The following GALK2 variants were observed in gnomAD, a reference collection of about 807,000 sequenced individuals.
The protein encoded by GALK2 is galactokinase 2.
GALK2 carries 36 observed loss-of-function variants against 52.4 expected under a neutral mutation model. The observed-to-expected ratio is 0.69, with a 90% CI of 0.53 to 0.91. The LOEUF (loss-of-function observed/expected upper bound fraction) is 0.91, where lower values mean the gene tolerates loss of function less well. GALK2 is among the 40% of genes least tolerant of loss of function. The pLI is 0.00. For synonymous variants in GALK2, 176 were observed against 199.1 expected (o/e 0.88, Z 0.98); for missense variants, 579 against 559.1 (o/e 1.04, Z -0.36).
At chr15:49,300,074 CT>C (rs2034975915) in intron 8 of GALK2, among the ~76,000 whole-genome samples, 1 of 151,898 alleles carries the variant, frequency 6.6e-6, no homozygotes, top group African/African-American at 2.4e-5. Flanking sequence ...TTATCTAAGT[CT>C]CTTTGTGGGT....
At chr15:49,210,928 C>G (rs945322735) in intron 2 of GALK2, among the ~76,000 whole-genome samples, 5 of 147,704 alleles carry the variant, frequency 3.4e-5, no homozygotes, top group Admixed American at 2.7e-4. Flanking sequence ...TGTATTTTTA[C>G]TAGAGACGGG....
At chr15:49,286,380 G>A (rs78050772) in intron 7 of GALK2, among the ~76,000 whole-genome samples, 22,902 of 152,016 alleles carry the variant, frequency 0.15, 2,189 homozygotes, top group Non-Finnish European at 0.21. Flanking sequence ...AGTACCTATT[G>A]TATGCTTAGC....
Position 49,159,196 on chromosome 15 carries a change from C to T in GALK2, c.20+3180C>T, listed in dbSNP as rs371428781. Among the ~76,000 whole-genome samples, 8 of 152,138 alleles carry T rather than the reference C, an allele frequency of 5.3e-5. No individual in the cohort carries two copies. In the East Asian group the frequency reaches 1.3e-3, roughly 26 times the overall value. ...ATGTACCCGTGCACCATAATTCATG[C>T]CATTATTGTTATACATTCAGAGTAT... is the stretch of plus-strand genomic sequence containing the variant. On this transcript the variant is annotated intron_variant, in intron 1 of 9. Coordinates refer to the GALK2 transcript ENST00000327171.
At chr15:49,201,750 T>A (rs1416950519) in intron 2 of GALK2, among the ~76,000 whole-genome samples, 1 of 152,232 alleles carries the variant, frequency 6.6e-6, no homozygotes, top group Admixed American at 6.5e-5. Flanking sequence ...ACATTTTGTT[T>A]ACTATCATTT....
At chr15:49,293,927 C>G (rs2034191323) in intron 8 of GALK2, among the ~76,000 whole-genome samples, 1 of 151,772 alleles carries the variant, frequency 6.6e-6, no homozygotes. Flanking sequence ...TAGTAAAACC[C>G]TGCCTCTACC....
At chr15:49,361,677 T>C (rs561895894) in intron 3 of GALK2, among the ~76,000 whole-genome samples, 79 of 152,324 alleles carry the variant, frequency 5.2e-4, no homozygotes, top group African/African-American at 1.9e-3. Context: ...TCCTTATCTT[T>C]ACTATTGTGA....
At chr15:49,312,685 A>T (rs948987292) in intron 8 of GALK2, among the ~76,000 whole-genome samples, 6 of 152,190 alleles carry the variant, frequency 3.9e-5, no homozygotes, top group African/African-American at 1.4e-4. Context: ...TAGTACACTT[A>T]TTCATTATTG....
chr15:49,192,498 T>TATATATATAC (rs1566921798), intron 1 of GALK2, among the ~76,000 whole-genome samples: 4 of 82,268 alleles, frequency 4.9e-5, no homozygotes, highest in Non-Finnish European at 1.1e-4. Context: ...TATATATATA[T>TATATATATAC]ATATATATAT....
chr15:49,341,171 G>A (rs1355388199), intron 3 of GALK2, among the ~76,000 whole-genome samples: 1 of 152,146 alleles, frequency 6.6e-6, no homozygotes, highest in Admixed American at 6.5e-5. Flanking sequence ...CTGTAGCCTT[G>A]TAGTATAGTT....
chr15:49,299,164 G>GT (rs1456395594), intron 8 of GALK2, among the ~76,000 whole-genome samples: 1 of 152,014 alleles, frequency 6.6e-6, no homozygotes. Context: ...AGGTTTTCTA[G>GT]TTTGAGTGCA....
intron 1 of GALK2, 132 bp downstream of exon 1, chr15:49,170,507 A>C (rs909626126): frequency 2.4e-6 from 2 of 831,518 alleles, no homozygotes; most frequent in African/African-American, 1.7e-5. Flanking sequence ...TTGGGATTCT[A>C]TAAGGACACG....
upstream of GALK2, among the ~76,000 whole-genome samples, chr15:49,167,446 C>G (rs1000699843): frequency 6.6e-6 from 1 of 152,126 alleles, no homozygotes; most frequent in Non-Finnish European, 1.5e-5. Context: ...CAATCTCCAT[C>G]TCCTGGGTTC....
At position 49,329,430 on chromosome 15, in the gene GALK2, C is replaced by CTT. The variant is rs2038179392; in HGVS notation, c.*1272_*1273dup. The CTT allele has an allele frequency of 1.0e-6, 1 of 983,072 alleles. No homozygotes were observed. The highest frequency in any genetic ancestry group is 1.2e-6 in the Non-Finnish European group (1 of 827,858). 60.9% of individuals were successfully genotyped at this position (983,072 alleles called of 1,614,324 possible). ...ATTATCCAAAAAAATATCAGAATTA[C>CTT]TTATTATTCTGTGATTTCATTAGCT... On this transcript the variant is annotated 3_prime_UTR_variant, in exon 10 of 10. Coordinates refer to ENST00000560031, the MANE Select transcript of GALK2 (RefSeq NM_002044.4).
At chr15:49,212,878 A>T (rs2089043105) in intron 2 of GALK2, among the ~76,000 whole-genome samples, 1 of 152,150 alleles carries the variant, frequency 6.6e-6, no homozygotes, top group Admixed American at 6.5e-5. Flanking sequence ...ATATTATTTT[A>T]ACTTTTTTGA....
chr15:49,362,413 C>A (rs907623949), intron 3 of GALK2, among the ~76,000 whole-genome samples: 1 of 152,188 alleles, frequency 6.6e-6, no homozygotes, highest in Non-Finnish European at 1.5e-5. Context: ...GTTAAACCTG[C>A]AGAACTGTGA....
intron 3 of GALK2, among the ~76,000 whole-genome samples, chr15:49,220,580 T>G (rs1234721885): frequency 6.6e-6 from 1 of 152,198 alleles, no homozygotes; most frequent in Non-Finnish European, 1.5e-5. Flanking sequence ...TGATTTCTTT[T>G]CCTTTGGATA....
intron 3 of GALK2, among the ~76,000 whole-genome samples, chr15:49,339,242 G>A (rs2040295140): frequency 6.6e-6 from 1 of 152,130 alleles, no homozygotes; most frequent in Non-Finnish European, 1.5e-5. Context: ...GTCTTTTTGC[G>A]CTGGTTTCTC....
At chr15:49,344,334 A>AACAT (rs1010966160) in intron 3 of GALK2, 27 of 152,340 alleles carry the variant, frequency 1.8e-4, no homozygotes, top group African/African-American at 6.3e-4. Flanking sequence ...TTCTTTACCC[A>AACAT]ACATACTATC....
Position 49,328,753 on chromosome 15 carries a change from C to T in GALK2, c.*594C>T. On this transcript the variant is annotated 3_prime_UTR_variant, in exon 10 of 10. Coordinates refer to ENST00000560031, the MANE Select transcript of GALK2 (RefSeq NM_002044.4). ...AATTGAATTTGAATGTGAGATTTCT[C>T]CAGTTATCAAGAGACTAAGGATTTT... is the stretch of plus-strand genomic sequence containing the variant. 1 of 1,487,846 alleles carries T rather than the reference C, an allele frequency of 6.7e-7. No homozygotes were observed. Among genetic ancestry groups the T allele is most frequent in the Non-Finnish European group, 9.0e-7 (1 of 1,116,196 alleles). 92.2% of individuals were successfully genotyped at this position (1,487,846 alleles called of 1,614,324 possible).
Sources: allele counts gnomAD v4.1 joint callset (sites outside exome capture counted in the v4.1 genomes callset), GRCh38; gene constraint gnomAD v4.1.1; transcripts MANE v1.5; gene names NCBI Gene and HGNC (gene_info 2026-07-23, HGNC 2026-07-21).